The following BMPR2 variants were observed in gnomAD, a reference collection of about 807,000 sequenced individuals.
BMPR2 encodes bone morphogenetic protein receptor type-2.
In BMPR2, 29 loss-of-function variants were observed where a neutral mutation model predicts 100.8. That is an observed-to-expected ratio of 0.29 (90% CI 0.21 to 0.39). The LOEUF is 0.39. BMPR2 is among the 10% of genes least tolerant of loss of function. The probability of loss-of-function intolerance (pLI) is 1.00; values close to 1 mark genes in which losing one functional copy is unlikely to be tolerated. For missense variants in BMPR2, 1,011 were observed against 1,274.5 expected (o/e 0.79, Z 3.15); for synonymous variants, 382 against 442.3 (o/e 0.86, Z 1.71).
intron 12 of BMPR2, among the ~76,000 whole-genome samples, chr2:202,557,484 C>G (rs1249367643): frequency 1.3e-5 from 2 of 149,952 alleles, no homozygotes; most frequent in South Asian, 4.3e-4. Flanking sequence ...CACACACACA[C>G]ACACACACAC....
chr2:202,380,523 T>C (rs1690260006), intron 1 of BMPR2, among the ~76,000 whole-genome samples: 2 of 152,152 alleles, frequency 1.3e-5, no homozygotes, highest in Non-Finnish European at 2.9e-5. Context: ...ATAGTCCAGA[T>C]GTACTGAATG....
chr2:202,530,864 C>T lies in BMPR2; in HGVS notation c.1038C>T (p.Thr346=). ...SRNVLVKNDG[T]CVISDFGLSM... is the part of the protein sequence containing the mutation. ...ATGTCCTAGTGAAAAATGATGGAAC[C>T]TGTGTTATTAGTGACTTTGGACTGT... is the stretch of plus-strand genomic sequence containing the variant. The change falls in exon 8 of 13, where the codon ACC becomes ACT. Residue 346 remains threonine, a synonymous_variant. Coordinates refer to ENST00000374580, the MANE Select transcript of BMPR2 (RefSeq NM_001204.7). 2 of 1,613,846 alleles carry T rather than the reference C, an allele frequency of 1.2e-6. No individual in the cohort carries two copies. The highest frequency in any genetic ancestry group is 1.7e-6 in the Non-Finnish European group (2 of 1,179,872).
chr2:202,452,675 A>ATCAATAATT (rs1214309722), intron 1 of BMPR2, among the ~76,000 whole-genome samples: 5 of 152,246 alleles, frequency 3.3e-5, no homozygotes, highest in Non-Finnish European at 7.3e-5. Flanking sequence ...AAAGAAGTAC[A>ATCAATAATT]TCAATAATTT....
intron 9 of BMPR2, among the ~76,000 whole-genome samples, chr2:202,535,185 A>AC (rs563261939): frequency 6.9e-4 from 56 of 81,580 alleles, no homozygotes; most frequent in Middle Eastern, 8.6e-3. Flanking sequence ...CGGGGGGCTG[A>AC]CCCCCCCCAC....
Position 202,407,453 on chromosome 2 carries a change from G to C in BMPR2, c.76+29903G>C, listed in dbSNP as rs185858794. Among the ~76,000 whole-genome samples, 31 of 152,030 alleles carry C rather than the reference G, an allele frequency of 2.0e-4. No individual in the cohort carries two copies. The East Asian group carries it at 4.7e-3, about 23-fold the overall frequency. The stretch of plus-strand genomic sequence containing the variant: ...CACCTTGTTGGTTATCATAAATTTT[G>C]GTGTGATCAGGTACTGCTCCTTAAT... On this transcript the variant is annotated intron_variant, in intron 1 of 12. Coordinates refer to ENST00000374580, the MANE Select transcript of BMPR2 (RefSeq NM_001204.7).
chr2:202,441,291 C>T (rs540734589), intron 1 of BMPR2, among the ~76,000 whole-genome samples: 6 of 150,374 alleles, frequency 4.0e-5, no homozygotes, highest in Admixed American at 1.3e-4. Flanking sequence ...TCAAAGTTTT[C>T]TTCTCTTATT....
intron 3 of BMPR2, among the ~76,000 whole-genome samples, chr2:202,494,268 A>T (rs1692972056): frequency 6.6e-6 from 1 of 152,258 alleles, no homozygotes; most frequent in Non-Finnish European, 1.5e-5. Context: ...TGAAAACTAC[A>T]AAAACTAATC....
chr2:202,518,947 G>A lies in BMPR2; in HGVS notation c.747G>A (p.Val249=). The change falls in exon 6 of 13, where the codon GTG becomes GTA. Residue 249 remains valine (V), a synonymous_variant. Coordinates refer to ENST00000374580, the MANE Select transcript of BMPR2 (RefSeq NM_001204.7). ...NFINEKNIYR[V]PLMEHDNIAR... is the part of the protein sequence containing the mutation. ...TCAACGAAAAGAACATTTACAGAGT[G>A]CCTTTGATGGAACATGACAACATTG... The A allele has an allele frequency of 6.2e-7, 1 of 1,614,192 alleles. No homozygotes were observed. Among genetic ancestry groups the A allele is most frequent in the Non-Finnish European group, 8.5e-7 (1 of 1,180,042 alleles).
chr2:202,527,334 A>G (rs1687932910), intron 7 of BMPR2, among the ~76,000 whole-genome samples: 1 of 151,800 alleles, frequency 6.6e-6, no homozygotes, highest in South Asian at 2.1e-4. Context: ...AAAATACAAA[A>G]AAAATTAGCT....
At chr2:202,540,901 GACAGGA>G in intron 9 of BMPR2, among the ~76,000 whole-genome samples, 1 of 152,076 alleles carries the variant, frequency 6.6e-6, no homozygotes, top group Non-Finnish European at 1.5e-5. Flanking sequence ...CGGGTAAAGA[GACAGGA>G]ACAGTCTCTG....
Position 202,514,991 on chromosome 2 carries a change from G to T in BMPR2, c.621+12G>T. ...TGAAACTGTTGGAGGTAAGTTTGCC[G>T]TTAGATTATGGACTGTTGTTTCTAC... On this transcript the variant is annotated intron_variant, in intron 5 of 12. Coordinates refer to ENST00000374580, the MANE Select transcript of BMPR2 (RefSeq NM_001204.7). 1 of 1,610,300 alleles carries T rather than the reference G, an allele frequency of 6.2e-7. No individual in the cohort carries two copies. The highest frequency in any genetic ancestry group is 8.5e-7 in the Non-Finnish European group (1 of 1,176,610).
In BMPR2 at chr2:202,555,558, G is replaced by T; in HGVS notation, c.1893G>T (p.Glu631Asp). 6.2e-7 allele frequency: 1 copy of T among 1,614,122 alleles called. No homozygotes were observed. The highest frequency in any genetic ancestry group is 1.1e-5 in the South Asian group (1 of 91,080). ...TPSTGMTTIS[E>D]MPYPDETNLH... ...GTACTGGCATGACTACTATATCTGAGATGCCATACCCAGATGAAACAAATC... is the reference window on the plus strand; with the variant it reads ...GTACTGGCATGACTACTATATCTGATATGCCATACCCAGATGAAACAAATC... The change falls in exon 12 of 13, where the codon GAG becomes GAT. Residue 631 changes from glutamate (E) to aspartate (D), a missense_variant. Coordinates refer to ENST00000374580, the MANE Select transcript of BMPR2 (RefSeq NM_001204.7).
intron 8 of BMPR2, among the ~76,000 whole-genome samples, chr2:202,531,950 T>C (rs1380220884): frequency 7.4e-6 from 1 of 135,622 alleles, no homozygotes; most frequent in African/African-American, 2.8e-5. Context: ...TTTTTTTTTT[T>C]TTTTTTTGAG....
chr2:202,421,736 T>TAA (rs201785849), intron 1 of BMPR2, among the ~76,000 whole-genome samples: 1 of 141,748 alleles, frequency 7.1e-6, no homozygotes, highest in Non-Finnish European at 1.5e-5. Flanking sequence ...CTCTGCCCAT[T>TAA]AAAAAAAAAA....
rs766177644 is a variant in BMPR2, at chr2:202,555,641, CAGA to C, written c.1983_1985del (p.Glu661del). 6.2e-7 allele frequency: 1 copy of C among 1,614,078 alleles called. No homozygotes were observed. Among genetic ancestry groups the C allele is most frequent in the Non-Finnish European group, 8.5e-7 (1 of 1,180,024 alleles). Reference sequence around the variant, plus strand: ...CCAACCCCTGTCTGCTTACAGCTGACAGAAGAAGACTTGGAAACCAACAAGCTA... The same window carrying C: ...CCAACCCCTGTCTGCTTACAGCTGACAGAAGACTTGGAAACCAACAAGCTA... On this transcript the variant is annotated inframe_deletion, in exon 12 of 13. Transcript: ENST00000374580.
At chr2:202,557,542 C>G (rs1688601991) in intron 12 of BMPR2, among the ~76,000 whole-genome samples, 2 of 150,690 alleles carry the variant, frequency 1.3e-5, no homozygotes, top group South Asian at 4.2e-4. Flanking sequence ...TGGTGCCCAC[C>G]TGTAATCCCA....
chr2:202,537,156 A>C (rs572664179), intron 9 of BMPR2, among the ~76,000 whole-genome samples: 3 of 152,262 alleles, frequency 2.0e-5, no homozygotes. Flanking sequence ...TCAGCCTCCC[A>C]AAATGCTGTG....
At chr2:202,406,158 A>G (rs1046675588) in intron 1 of BMPR2, among the ~76,000 whole-genome samples, 2 of 152,218 alleles carry the variant, frequency 1.3e-5, no homozygotes, top group African/African-American at 2.4e-5. Context: ...CTTTTATGTT[A>G]TTATATCCAG....
In BMPR2 at chr2:202,432,859, T is replaced by C. The variant is rs901457302; in HGVS notation, c.77-31950T>C. Among the ~76,000 whole-genome samples the C allele has an allele frequency of 2.0e-5, 3 of 150,686 alleles. No homozygotes were observed. In the East Asian group the frequency reaches 5.8e-4, roughly 29 times the overall value. ...AAATCAAAGGCAGCAGAAATCTGTG[T>C]GTTTTGTTGTCGTTGTTGTTAACTA... On this transcript the variant is annotated intron_variant, in intron 1 of 12. Transcript: ENST00000374580.
Sources: allele counts gnomAD v4.1 joint callset (sites outside exome capture counted in the v4.1 genomes callset), GRCh38; gene constraint gnomAD v4.1.1; transcripts MANE v1.5; gene names NCBI Gene and HGNC (gene_info 2026-07-23, HGNC 2026-07-21).